MRPL35: variants seen among roughly 807,000 people sequenced by gnomAD.
The protein encoded by MRPL35 is large ribosomal subunit protein bL35m.
A neutral mutation model predicts 21.6 loss-of-function variants in MRPL35; 18 were observed. That is an observed-to-expected ratio of 0.83 (90% CI 0.58 to 1.24). MRPL35 has a LOEUF of 1.24. MRPL35 is among the 50% of genes most tolerant of loss of function. The probability of loss-of-function intolerance (pLI) is 0.00; values close to 1 mark genes in which losing one functional copy is unlikely to be tolerated. For synonymous variants in MRPL35, 87 were observed against 86.9 expected (o/e 1.00, Z -0.01); for missense variants, 223 against 223.2 (o/e 1.00, Z 0.01).
chr2:86,203,538 A>G (rs886683167), intron 1 of MRPL35, among the ~76,000 whole-genome samples: 3 of 152,246 alleles, frequency 2.0e-5, no homozygotes, highest in Non-Finnish European at 2.9e-5. Flanking sequence ...TTTGGACTTG[A>G]GTCCCATCTC....
chr2:86,207,600 C>T (rs759545245), intron 3 of MRPL35, among the ~76,000 whole-genome samples: 4 of 152,222 alleles, frequency 2.6e-5, no homozygotes, highest in African/African-American at 4.8e-5. Context: ...AACCACTGCA[C>T]TCCAGCCTGG....
chr2:86,204,293 T>C (rs1673745897), intron 1 of MRPL35, among the ~76,000 whole-genome samples: 1 of 152,096 alleles, frequency 6.6e-6, no homozygotes, highest in Admixed American at 6.6e-5. Context: ...TGGAGTATTT[T>C]TCTTAACCAA....
chr2:86,207,314 G>C lies in MRPL35; in HGVS notation c.365G>C (p.Trp122Ser). Reference protein sequence around the residue: ...DRFLRLHCGLWVRRKAGYKKK... With the variant: ...DRFLRLHCGLSVRRKAGYKKK... ...TTTCTTCGACTTCATTGTGGCCTTT[G>C]GGTGAGGAGAAAGGTGAGTCTTCAC... The change falls in exon 3 of 4, where the codon TGG (tryptophan) becomes TCG (serine). Residue 122 changes from tryptophan to serine, a missense_variant. Transcript: ENST00000337109. 1 of 1,612,618 alleles carries C rather than the reference G, an allele frequency of 6.2e-7. No homozygotes were observed. Among genetic ancestry groups the C allele is most frequent in the Non-Finnish European group, 8.5e-7 (1 of 1,179,462 alleles).
chr2:86,203,990 CT>C (rs59000498), intron 1 of MRPL35, among the ~76,000 whole-genome samples: 54 of 145,310 alleles, frequency 3.7e-4, no homozygotes, highest in Admixed American at 5.5e-4. Context: ...GTATTTTTCG[CT>C]TTTTTTTTTT....
chr2:86,213,220 TC>T lies in MRPL35; in HGVS notation c.*2553del. 9.0e-6 allele frequency: 9 copies of T among 1,003,436 alleles called. No individual in the cohort carries two copies. The highest frequency in any genetic ancestry group is 1.1e-5 in the Non-Finnish European group (9 of 841,938). The allele number at this position is 1,003,436 out of a possible 1,614,324, so 62.2% of individuals were successfully genotyped here. A position where few individuals can be genotyped will look rare whatever the true frequency, so the allele number is the denominator to read the frequency against. On this transcript the variant is annotated 3_prime_UTR_variant, in exon 4 of 4. Transcript: ENST00000337109. ...GTACTATAAATACTAAATAAACACT[TC>T]TTCATAACACTGTACCAATTCAGCT...
rs1435516790 is a variant in MRPL35 at position 86,212,436 on chromosome 2, C to T, written c.*1768C>T. 6.2e-7 allele frequency: 1 copy of T among 1,613,860 alleles called. No individual in the cohort carries two copies. On this transcript the variant is annotated 3_prime_UTR_variant, in exon 4 of 4. Transcript: ENST00000337109. Reference sequence around the variant, plus strand: ...CTTCGCACTTCTGAGACGGCAAAGCCAACCACTTAGAAGCCTTCCACATCT... The same window carrying T: ...CTTCGCACTTCTGAGACGGCAAAGCTAACCACTTAGAAGCCTTCCACATCT...
intron 1 of MRPL35, 90 bp downstream of exon 1, chr2:86,199,623 AGC>A: frequency 5.4e-6 from 8 of 1,488,710 alleles, no homozygotes; most frequent in Admixed American, 5.3e-5. Flanking sequence ...GAGGTTAACA[AGC>A]AAAAAGGGTC....
In MRPL35 at chr2:86,213,058, A is replaced by AG. The variant is rs1673942816; in HGVS notation, c.*2391dup. On this transcript the variant is annotated 3_prime_UTR_variant, in exon 4 of 4. Coordinates refer to ENST00000337109, the MANE Select transcript of MRPL35 (RefSeq NM_016622.4). ...TAGATTTGAGGAAACTGAAGCTGAGAGAGGGTTAAGTAAATTACCCAAAGT... is the reference window on the plus strand; with the variant it reads ...TAGATTTGAGGAAACTGAAGCTGAGAGGAGGGTTAAGTAAATTACCCAAAGT... 4 of 937,934 alleles carry AG rather than the reference A, an allele frequency of 4.3e-6. No homozygotes were observed. Among genetic ancestry groups the AG allele is most frequent in the Non-Finnish European group, 5.1e-6 (4 of 786,660 alleles). 58.1% of individuals were successfully genotyped at this position (937,934 alleles called of 1,614,324 possible).
intron 3 of MRPL35, among the ~76,000 whole-genome samples, chr2:86,209,514 T>A (rs1291935823): frequency 6.6e-6 from 1 of 152,140 alleles, no homozygotes; most frequent in Admixed American, 6.5e-5. Flanking sequence ...AAAAATAAAT[T>A]CTTCAAAATG....
At position 86,212,641 on chromosome 2, in the gene MRPL35, C is replaced by T. The variant is rs1227923303; in HGVS notation, c.*1973C>T. 12 of 1,365,564 alleles carry T rather than the reference C, an allele frequency of 8.8e-6. No homozygotes were observed. Among genetic ancestry groups the T allele is most frequent in the Non-Finnish European group, 1.0e-5 (11 of 1,061,690 alleles). 84.6% of individuals were successfully genotyped at this position (1,365,564 alleles called of 1,614,324 possible). ...AGAGCACCTTCGTTTCTCCTCTAGA[C>T]CAGGGACAGGTGTAGAGATAAGGAC... On this transcript the variant is annotated 3_prime_UTR_variant, in exon 4 of 4. Transcript: ENST00000337109.
intron 3 of MRPL35, among the ~76,000 whole-genome samples, chr2:86,210,186 A>G (rs2103916353): frequency 6.6e-6 from 1 of 152,332 alleles, no homozygotes; most frequent in Admixed American, 6.5e-5. Context: ...ATTATCTTGT[A>G]CTTTCCCAGC....
Position 86,213,063 on chromosome 2 carries a change from G to A in MRPL35, c.*2395G>A. 6 of 954,880 alleles carry A rather than the reference G, an allele frequency of 6.3e-6. No homozygotes were observed. Among genetic ancestry groups the A allele is most frequent in the Non-Finnish European group, 7.5e-6 (6 of 802,208 alleles). 59.2% of individuals were successfully genotyped at this position (954,880 alleles called of 1,614,324 possible). A position where few individuals can be genotyped will look rare whatever the true frequency, so the allele number is the denominator to read the frequency against. On this transcript the variant is annotated 3_prime_UTR_variant, in exon 4 of 4. Transcript: ENST00000337109. ...TTGAGGAAACTGAAGCTGAGAGAGG[G>A]TTAAGTAAATTACCCAAAGTACAGC...
intron 3 of MRPL35, among the ~76,000 whole-genome samples, chr2:86,209,649 A>G (rs1673864248): frequency 6.6e-6 from 1 of 152,160 alleles, no homozygotes; most frequent in Non-Finnish European, 1.5e-5. Flanking sequence ...TCCTATAAAA[A>G]TTGGTCCCTT....
At chr2:86,204,026 C>T (rs1001702257) in intron 1 of MRPL35, among the ~76,000 whole-genome samples, 5 of 151,764 alleles carry the variant, frequency 3.3e-5, no homozygotes, top group Admixed American at 2.0e-4. Context: ...CTTTTGTTGC[C>T]GAGGCTGGAG....
chr2:86,199,536 C>A lies in MRPL35; in HGVS notation c.43+3C>A. 6.2e-7 allele frequency: 1 copy of A among 1,614,140 alleles called. No homozygotes were observed. Among genetic ancestry groups the A allele is most frequent in the South Asian group, 1.1e-5 (1 of 91,066 alleles). ...TGGTGCAGTGAGAGCAGCTTCAGGT[C>A]AGTGGAGAGCGACATACTCCATGCA... On this transcript the variant is annotated splice_donor_region_variant and intron_variant, in intron 1 of 3. Transcript: ENST00000337109.
Position 86,212,656 on chromosome 2 carries a change from G to C in MRPL35, c.*1988G>C, listed in dbSNP as rs1673930754. 1 of 1,318,946 alleles carries C rather than the reference G, an allele frequency of 7.6e-7. No individual in the cohort carries two copies. The highest frequency in any genetic ancestry group is 9.7e-7 in the Non-Finnish European group (1 of 1,035,666). 81.7% of individuals were successfully genotyped at this position (1,318,946 alleles called of 1,614,324 possible). ...CTCCTCTAGACCAGGGACAGGTGTAGAGATAAGGACTGGCAACCAGAGCCT... is the reference window on the plus strand; with the variant it reads ...CTCCTCTAGACCAGGGACAGGTGTACAGATAAGGACTGGCAACCAGAGCCT... On this transcript the variant is annotated 3_prime_UTR_variant, in exon 4 of 4. Coordinates refer to ENST00000337109, the MANE Select transcript of MRPL35 (RefSeq NM_016622.4).
At chr2:86,208,907 G>C (rs1322015036) in intron 3 of MRPL35, among the ~76,000 whole-genome samples, 1 of 152,112 alleles carries the variant, frequency 6.6e-6, no homozygotes, top group Non-Finnish European at 1.5e-5. Context: ...TCCATGACAC[G>C]GTTTCATCCA....
chr2:86,213,154 T>G lies in MRPL35; in HGVS notation c.*2486T>G. 1.0e-6 allele frequency: 1 copy of G among 986,824 alleles called. No individual in the cohort carries two copies. Among genetic ancestry groups the G allele is most frequent in the South Asian group, 4.7e-5 (1 of 21,312 alleles). 61.1% of individuals were successfully genotyped at this position (986,824 alleles called of 1,614,324 possible). A position where few individuals can be genotyped will look rare whatever the true frequency, so the allele number is the denominator to read the frequency against. On this transcript the variant is annotated 3_prime_UTR_variant, in exon 4 of 4. Transcript: ENST00000337109. ...GTGTATTTCCCTGAGTCTTCTAACA[T>G]ATGAAAATTCATATCTAAATCAACA... is the stretch of plus-strand genomic sequence containing the variant.
chr2:86,213,099 C>T lies in MRPL35; in HGVS notation c.*2431C>T. On this transcript the variant is annotated 3_prime_UTR_variant, in exon 4 of 4. Transcript: ENST00000337109. ...TACCCAAAGTACAGCTAATAAGACC[C>T]AGAATCTCAGTCTCACTCCTTGGGA... 2.0e-6 allele frequency: 2 copies of T among 985,492 alleles called. No individual in the cohort carries two copies. Among genetic ancestry groups the T allele is most frequent in the Non-Finnish European group, 2.4e-6 (2 of 829,940 alleles). 61.0% of individuals were successfully genotyped at this position (985,492 alleles called of 1,614,324 possible). A position where few individuals can be genotyped will look rare whatever the true frequency, so the allele number is the denominator to read the frequency against.
Sources: allele counts gnomAD v4.1 joint callset (sites outside exome capture counted in the v4.1 genomes callset), GRCh38; gene constraint gnomAD v4.1.1; transcripts MANE v1.5; gene names NCBI Gene and HGNC (gene_info 2026-07-23, HGNC 2026-07-21).